GLDN: variants seen among roughly 807,000 people sequenced by gnomAD.
GLDN encodes the protein gliomedin, also known as collomin.
In GLDN, 47 loss-of-function variants were observed where a neutral mutation model predicts 56.5. The ratio of observed to expected loss-of-function variants is 0.83; its 90% confidence interval spans 0.66 to 1.06. The LOEUF (loss-of-function observed/expected upper bound fraction) is 1.06. Ranked by LOEUF, GLDN falls within the 50% of genes least tolerant of loss-of-function variation. The pLI is 0.00. For synonymous variants in GLDN, 332 were observed against 278.8 expected (o/e 1.19, Z -1.90); for missense variants, 782 against 714.3 (o/e 1.09, Z -1.08).
Position 51,400,370 on chromosome 15 carries a change from C to G in GLDN, c.902-3C>G. The G allele has an allele frequency of 6.2e-7, 1 of 1,614,172 alleles. No homozygotes were observed. Among genetic ancestry groups the G allele is most frequent in the South Asian group, 1.1e-5 (1 of 91,076 alleles). ...GTGACTTTCTTTTCTCTTCTTTTGGCAGAATCCATGATCACTTCCATTGGA... is the reference window on the plus strand; with the variant it reads ...GTGACTTTCTTTTCTCTTCTTTTGGGAGAATCCATGATCACTTCCATTGGA... On this transcript the variant is annotated splice_polypyrimidine_tract_variant and splice_region_variant and intron_variant, in intron 7 of 9. Transcript: ENST00000335449.
intron 8 of GLDN, 36 bp downstream of exon 8, chr15:51,400,534 G>A: frequency 6.3e-7 from 1 of 1,597,732 alleles, no homozygotes; most frequent in South Asian, 1.1e-5. Flanking sequence ...TATCTGTGTG[G>A]TAACTGTATT....
At chr15:51,355,161 A>T (rs1181702477) in intron 1 of GLDN, among the ~76,000 whole-genome samples, 1 of 152,188 alleles carries the variant, frequency 6.6e-6, no homozygotes, top group Admixed American at 6.5e-5. Flanking sequence ...TAGAAAAGTA[A>T]AGGAACAAAA....
chr15:51,352,210 G>C (rs1310783289), intron 1 of GLDN, among the ~76,000 whole-genome samples: 3 of 152,056 alleles, frequency 2.0e-5, no homozygotes, highest in South Asian at 4.2e-4. Context: ...TTCCACCATG[G>C]TGGAAGGGCA....
chr15:51,378,813 G>A (rs955626468), intron 2 of GLDN, among the ~76,000 whole-genome samples: 10 of 152,182 alleles, frequency 6.6e-5, no homozygotes, highest in African/African-American at 9.7e-5. Flanking sequence ...GATAGACCAC[G>A]AGGCCTGGAT....
intron 4 of GLDN, 63 bp downstream of exon 4, chr15:51,383,955 C>A (rs779861569): frequency 1.6e-6 from 2 of 1,225,624 alleles, no homozygotes; most frequent in South Asian, 2.6e-5. Context: ...GCATTTGGGT[C>A]GACTAAAACT....
chr15:51,341,954 T>C lies in GLDN; in HGVS notation c.270T>C (p.Ala90=). The C allele has an allele frequency of 6.3e-7, 1 of 1,597,360 alleles. No homozygotes were observed. Among genetic ancestry groups the C allele is most frequent in the Non-Finnish European group, 8.5e-7 (1 of 1,179,414 alleles). ...CACCCCAAGACCCGGCCAGCTCAGCTCGCAACAAGCGCAGCCACAGCGGCG... is the reference window on the plus strand; with the variant it reads ...CACCCCAAGACCCGGCCAGCTCAGCCCGCAACAAGCGCAGCCACAGCGGCG... The part of the protein sequence containing the change: ...SAPPQDPASS[A]RNKRSHSGEP... Residue 90 remains alanine, a synonymous_variant, in exon 1 of 10, where the codon GCT becomes GCC. Coordinates refer to ENST00000335449, the MANE Select transcript of GLDN (RefSeq NM_181789.4).
downstream of GLDN, among the ~76,000 whole-genome samples, chr15:51,409,246 G>GA (rs559517600): frequency 4.3e-3 from 650 of 151,770 alleles, 9 homozygotes; most frequent in African/African-American, 0.015. Context: ...CCCAAATAAT[G>GA]AAAAAATGGT....
chr15:51,381,916 C>T (rs1015030371), intron 2 of GLDN, among the ~76,000 whole-genome samples: 1 of 152,126 alleles, frequency 6.6e-6, no homozygotes, highest in African/African-American at 2.4e-5. Flanking sequence ...CATCATCCCC[C>T]TGCCTAAGAA....
chr15:51,400,119 C>A (rs2038215576), intron 6 of GLDN, 73 bp from the exon 7 acceptor site: 1 of 1,254,198 alleles, frequency 8.0e-7, no homozygotes, highest in Non-Finnish European at 1.2e-6. Context: ...TGGGGAAGAG[C>A]AGCAGCTATA....
chr15:51,387,671 G>T (rs146995654), intron 4 of GLDN, among the ~76,000 whole-genome samples: 7 of 152,258 alleles, frequency 4.6e-5, no homozygotes, highest in East Asian at 1.9e-4. Context: ...TTCGTGGTTT[G>T]CCAGGCAGGG....
chr15:51,345,865 A>T (rs2141044794), intron 1 of GLDN, among the ~76,000 whole-genome samples: 2 of 152,362 alleles, frequency 1.3e-5, no homozygotes, highest in East Asian at 3.9e-4. Context: ...ACTACTAAAA[A>T]TAACAGAATT....
At chr15:51,404,222 A>G (rs2038318490) in intron 9 of GLDN, 55 bp from the exon 10 acceptor site, 23 of 1,372,678 alleles carry the variant, frequency 1.7e-5, no homozygotes, top group Non-Finnish European at 2.3e-5. Flanking sequence ...CTAATAAACC[A>G]CCTGTCCACA....
intron 8 of GLDN, among the ~76,000 whole-genome samples, chr15:51,401,072 G>A (rs2038239055): frequency 6.6e-6 from 1 of 152,218 alleles, no homozygotes; most frequent in Non-Finnish European, 1.5e-5. Flanking sequence ...ATAATCACTG[G>A]TTGGAGAAAT....
intron 1 of GLDN, among the ~76,000 whole-genome samples, chr15:51,343,905 C>T (rs1248471340): frequency 1.3e-5 from 2 of 152,222 alleles, no homozygotes; most frequent in Non-Finnish European, 2.9e-5. Flanking sequence ...CTCTGACCCT[C>T]ATCCCCCCAC....
At chr15:51,411,958 A>G (rs562113634), downstream of GLDN, among the ~76,000 whole-genome samples, 2 of 152,338 alleles carry the variant, frequency 1.3e-5, no homozygotes, top group East Asian at 3.9e-4. Flanking sequence ...AGATAGCTGC[A>G]CACATAGGGT....
At chr15:51,344,274 C>A (rs2036938410) in intron 1 of GLDN, among the ~76,000 whole-genome samples, 1 of 152,198 alleles carries the variant, frequency 6.6e-6, no homozygotes, top group Non-Finnish European at 1.5e-5. Context: ...GCAGGAAGGA[C>A]CTTGGCATAA....
chr15:51,352,306 T>C (rs114818653), intron 1 of GLDN, among the ~76,000 whole-genome samples: 102 of 152,320 alleles, frequency 6.7e-4, no homozygotes, highest in African/African-American at 2.3e-3. Context: ...TCATTAATCC[T>C]ATTTATGTAG....
At chr15:51,348,788 A>G (rs1437169069) in intron 1 of GLDN, among the ~76,000 whole-genome samples, 1 of 152,188 alleles carries the variant, frequency 6.6e-6, no homozygotes, top group Non-Finnish European at 1.5e-5. Context: ...GTTAGGGGCC[A>G]TGTTAGGACT....
At chr15:51,403,556 A>G (rs1245093382) in intron 9 of GLDN, among the ~76,000 whole-genome samples, 1 of 152,176 alleles carries the variant, frequency 6.6e-6, no homozygotes, top group Admixed American at 6.5e-5. Flanking sequence ...AATACAGCCT[A>G]GAGTTGGAAT....
Sources: gnomAD v4.1 joint callset for allele counts (sites outside exome capture counted in the v4.1 genomes callset) on GRCh38, gnomAD v4.1.1 for gene constraint, MANE v1.5 for transcripts, NCBI Gene and HGNC (gene_info 2026-07-23, HGNC 2026-07-21) for gene names.